Variants in WDTC1 observed in about 807,000 individuals in gnomAD.
WDTC1 encodes WD and tetratricopeptide repeats 1.
Under a neutral mutation model 76.0 loss-of-function variants are expected in WDTC1, and 12 were observed. That is an observed-to-expected ratio of 0.16 (90% confidence interval 0.10 to 0.26). WDTC1 has a LOEUF of 0.26. WDTC1 is among the 10% of genes least tolerant of loss of function. The pLI is 1.00. For synonymous variants in WDTC1, 326 were observed against 350.8 expected (o/e 0.93, Z 0.79); for missense variants, 511 against 908.8 (o/e 0.56, Z 5.63).
chr1:27,262,475 A>C lies in WDTC1; in HGVS notation c.49-677A>C, dbSNP rs527647528. On this transcript the variant is annotated intron_variant, in intron 2 of 15. Transcript: ENST00000319394. Reference sequence around the variant, plus strand: ...ATGATCTTGGCTCATTGCAACCTCCACCTCCCAGGTTCAAGTGATTCTCCT... The same window carrying C: ...ATGATCTTGGCTCATTGCAACCTCCCCCTCCCAGGTTCAAGTGATTCTCCT... Among the ~76,000 whole-genome samples, 3 of 150,244 alleles carry C rather than the reference A, an allele frequency of 2.0e-5. No homozygotes were observed. The South Asian group carries it at 6.3e-4, about 32-fold the overall frequency.
Position 27,307,024 on chromosome 1 carries a change from T to TA in WDTC1, c.*642dup, listed in dbSNP as rs1460065476. On this transcript the variant is annotated 3_prime_UTR_variant, in exon 16 of 16. Transcript: ENST00000319394. The surrounding 1 kb of genome is among the most constrained non-coding windows in gnomAD (Gnocchi z 4.1). ...TGGCTACTAGCTCTGGCCCTGCACC[T>TA]ACTCTCACTGGCCACCTCTGGAGGC... The TA allele has an allele frequency of 6.5e-6, 1 of 154,316 alleles. No homozygotes were observed. The highest frequency in any genetic ancestry group is 6.4e-5 in the Admixed American group (1 of 15,532). The allele number at this position is 154,316 out of a possible 1,614,324, so 9.6% of individuals were successfully genotyped here.
Position 27,234,739 on chromosome 1 carries a change from G to C in WDTC1, c.-312G>C, listed in dbSNP as rs987248264. On this transcript the variant is annotated 5_prime_UTR_variant, in exon 1 of 16. Transcript: ENST00000319394. ...AGGGAGTGTGAGTGTGTGTGAGCGC[G>C]GGTGTGAGGCGGTGCGCAGGGGCGG... 27 of 399,200 alleles carry C rather than the reference G, an allele frequency of 6.8e-5. No individual in the cohort carries two copies. Among genetic ancestry groups the C allele is most frequent in the Non-Finnish European group, 9.3e-5 (21 of 226,726 alleles). 24.7% of individuals were successfully genotyped at this position (399,200 alleles called of 1,614,324 possible).
At chr1:27,236,237 GC>G (rs1279366798) in intron 1 of WDTC1, among the ~76,000 whole-genome samples, 1 of 152,210 alleles carries the variant, frequency 6.6e-6, no homozygotes, top group Non-Finnish European at 1.5e-5. Context: ...GAGTGTAATA[GC>G]CAGATCCTCT....
At chr1:27,282,625 C>T (rs1436718064) in intron 4 of WDTC1, among the ~76,000 whole-genome samples, 1 of 151,992 alleles carries the variant, frequency 6.6e-6, no homozygotes, top group African/African-American at 2.4e-5. Flanking sequence ...TAATCAGCCT[C>T]CCAAGTAACT....
intron 1 of WDTC1, among the ~76,000 whole-genome samples, chr1:27,238,802 T>A (rs1280960089): frequency 4.6e-5 from 7 of 152,098 alleles, no homozygotes; most frequent in African/African-American, 1.7e-4. Context: ...TGACCTCAGG[T>A]GATCCGCCCG....
chr1:27,279,363 C>T (rs901958203), intron 3 of WDTC1, among the ~76,000 whole-genome samples: 2 of 152,114 alleles, frequency 1.3e-5, no homozygotes, highest in African/African-American at 4.8e-5. Context: ...CATGGCAAAA[C>T]CCCATCTCCA....
Position 27,301,854 on chromosome 1 carries a change from G to A in WDTC1, c.1468+393G>A, listed in dbSNP as rs993921179. Among the ~76,000 whole-genome samples the A allele has an allele frequency of 4.6e-5, 7 of 152,298 alleles. No homozygotes were observed. Among genetic ancestry groups the A allele is most frequent in the South Asian group, 2.1e-4 (1 of 4,828 alleles). On this transcript the variant is annotated intron_variant, in intron 13 of 15. Transcript: ENST00000319394. The surrounding 1 kb of genome is among the most constrained non-coding windows in gnomAD (Gnocchi z 5.8). The stretch of plus-strand genomic sequence containing the variant: ...AGAAGCTGGTCATTGTGTTTGTTCC[G>A]AGTGTACAAGTGCAGCAGAGACAAT...
chr1:27,267,811 G>C (rs1005291776), intron 3 of WDTC1, among the ~76,000 whole-genome samples: 1 of 151,920 alleles, frequency 6.6e-6, no homozygotes, highest in African/African-American at 2.4e-5. Flanking sequence ...ATTCTTTCAT[G>C]GTTCAGAGTG....
In WDTC1 at chr1:27,234,893, C is replaced by T. The variant is rs972091164; in HGVS notation, c.-158C>T. 2.5e-6 allele frequency: 1 copy of T among 395,598 alleles called. No individual in the cohort carries two copies. The highest frequency in any genetic ancestry group is 1.3e-4 in the South Asian group (1 of 7,832). The allele number at this position is 395,598 out of a possible 1,614,324, so 24.5% of individuals were successfully genotyped here. ...TTCCCGGGAGAGGGGCCGCCCCCCC[C>T]GGACGGACATGGGCTCCTGAAGTTG... On this transcript the variant is annotated 5_prime_UTR_variant, in exon 1 of 16. Coordinates refer to ENST00000319394, the MANE Select transcript of WDTC1 (RefSeq NM_001276252.2).
chr1:27,234,577 G>A, upstream of WDTC1: 2 of 388,838 alleles, frequency 5.1e-6, no homozygotes, highest in Non-Finnish European at 9.1e-6. Flanking sequence ...TAGCGTACCC[G>A]CCGGCTGCGA....
chr1:27,293,642 C>T (rs2013601868), intron 7 of WDTC1, among the ~76,000 whole-genome samples: 2 of 152,118 alleles, frequency 1.3e-5, no homozygotes, highest in African/African-American at 2.4e-5. Context: ...GCCTCTCCAG[C>T]CTGGGCTTTC....
At chr1:27,259,617 C>A (rs879765246) in intron 1 of WDTC1, among the ~76,000 whole-genome samples, 1 of 152,094 alleles carries the variant, frequency 6.6e-6, no homozygotes, top group Non-Finnish European at 1.5e-5. Context: ...CACAGCACTG[C>A]ACCACCACAC....
chr1:27,294,397 G>C, intron 8 of WDTC1, 117 bp from the exon 9 acceptor site: 1 of 920,774 alleles, frequency 1.1e-6, no homozygotes, highest in Non-Finnish European at 1.7e-6. Flanking sequence ...CTCAACACTT[G>C]TAGCTGCTTT....
rs1356104517 is a variant in WDTC1 at position 27,234,763 on chromosome 1, G to C, written c.-288G>C. On this transcript the variant is annotated 5_prime_UTR_variant, in exon 1 of 16. Coordinates refer to ENST00000319394, the MANE Select transcript of WDTC1 (RefSeq NM_001276252.2). ...CGGGTGTGAGGCGGTGCGCAGGGGC[G>C]GGCGGAGGCGCTGTCCGGCCCCGGC... is the stretch of plus-strand genomic sequence containing the variant. The C allele has an allele frequency of 2.5e-6, 1 of 399,306 alleles. No homozygotes were observed. The highest frequency in any genetic ancestry group is 4.4e-6 in the Non-Finnish European group (1 of 226,772). The allele number at this position is 399,306 out of a possible 1,614,324, so 24.7% of individuals were successfully genotyped here.
At chr1:27,290,066 G>A (rs908926752) in intron 6 of WDTC1, among the ~76,000 whole-genome samples, 12 of 151,188 alleles carry the variant, frequency 7.9e-5, no homozygotes, top group Non-Finnish European at 4.4e-5. Flanking sequence ...GAGGGGGAGA[G>A]GGAGAGGGAG....
intron 1 of WDTC1, among the ~76,000 whole-genome samples, chr1:27,240,546 A>G (rs1437988797): frequency 1.3e-5 from 2 of 152,118 alleles, no homozygotes; most frequent in Admixed American, 6.5e-5. Context: ...AAGGAATACC[A>G]CTTAGTTGGC....
Position 27,304,159 on chromosome 1 carries a change from C to T in WDTC1, c.1643+364C>T, listed in dbSNP as rs535510430. On this transcript the variant is annotated intron_variant, in intron 14 of 15. Coordinates refer to ENST00000319394, the MANE Select transcript of WDTC1 (RefSeq NM_001276252.2). Reference sequence around the variant, plus strand: ...TCTGCTTGAGAGTATGAGGCAGCAGCCCTCCAAGGCTGGGAATCTTGGCAC... The same window carrying T: ...TCTGCTTGAGAGTATGAGGCAGCAGTCCTCCAAGGCTGGGAATCTTGGCAC... 5 of 245,170 alleles carry T rather than the reference C, an allele frequency of 2.0e-5. No homozygotes were observed. In the South Asian group the frequency reaches 2.3e-4, roughly 11 times the overall value. The allele number at this position is 245,170 out of a possible 1,614,324, so 15.2% of individuals were successfully genotyped here. A position where few individuals can be genotyped will look rare whatever the true frequency, so the allele number is the denominator to read the frequency against.
intron 1 of WDTC1, among the ~76,000 whole-genome samples, chr1:27,255,300 T>C (rs2012238696): frequency 6.6e-6 from 1 of 152,196 alleles, no homozygotes; most frequent in South Asian, 2.1e-4. Flanking sequence ...ACCATAGTTG[T>C]CAAGAGAATG....
chr1:27,276,413 AG>A (rs2013028477), intron 3 of WDTC1, among the ~76,000 whole-genome samples: 1 of 152,146 alleles, frequency 6.6e-6, no homozygotes. Flanking sequence ...TTTTTATTAT[AG>A]GCCAGGCGCG....
Sources: allele counts gnomAD v4.1 joint callset (sites outside exome capture counted in the v4.1 genomes callset), GRCh38; gene constraint gnomAD v4.1.1; non-coding constraint Gnocchi (gnomAD v3.1); transcripts MANE v1.5; gene names NCBI Gene and HGNC (gene_info 2026-07-23, HGNC 2026-07-21).